THEMIS: variants seen among roughly 807,000 people sequenced by gnomAD.
The protein encoded by THEMIS is protein THEMIS.
In THEMIS, 37 loss-of-function variants were observed where a neutral mutation model predicts 52.6. The observed-to-expected ratio is 0.70, with a 90% CI of 0.54 to 0.93. THEMIS has a LOEUF of 0.93. Ranked by LOEUF, THEMIS falls within the 40% of genes least tolerant of loss-of-function variation. The probability of loss-of-function intolerance (pLI) is 0.00; values close to 1 mark genes in which losing one functional copy is unlikely to be tolerated. For synonymous variants in THEMIS, 292 were observed against 272.7 expected (o/e 1.07, Z -0.70); for missense variants, 808 against 763.1 (o/e 1.06, Z -0.69).
chr6:127,815,724 G>T (rs2114615327), intron 3 of THEMIS, among the ~76,000 whole-genome samples: 1 of 152,208 alleles, frequency 6.6e-6, no homozygotes, highest in Non-Finnish European at 1.5e-5. Context: ...TAAAATTCTG[G>T]TTGTTTGAAT....
chr6:127,824,589 A>T (rs753373484), intron 3 of THEMIS, among the ~76,000 whole-genome samples: 3 of 149,546 alleles, frequency 2.0e-5, no homozygotes, highest in Non-Finnish European at 3.0e-5. Flanking sequence ...GAAATGATAC[A>T]CCAAAACTTA....
chr6:127,746,661 T>C (rs1297011617), intron 4 of THEMIS, among the ~76,000 whole-genome samples: 1 of 134,326 alleles, frequency 7.4e-6, no homozygotes, highest in Non-Finnish European at 1.5e-5. Context: ...ATTGATTATA[T>C]ATTCAATATA....
At chr6:127,743,673 T>C (rs1327442621) in intron 4 of THEMIS, among the ~76,000 whole-genome samples, 1 of 152,170 alleles carries the variant, frequency 6.6e-6, no homozygotes, top group Non-Finnish European at 1.5e-5. Context: ...CCCAGGCTGC[T>C]TCACATATGT....
rs1774276760 is a variant in THEMIS, at chr6:127,719,193, C to T, written c.1894+495G>A. Reference sequence around the variant, plus strand: ...TCTGGGTAGCTTAATTGAATGCTATCAACTCCTCCACAAGTCCGTTTGCTT... The same window carrying T: ...TCTGGGTAGCTTAATTGAATGCTATTAACTCCTCCACAAGTCCGTTTGCTT... On this transcript the variant is annotated intron_variant, in intron 5 of 5. Coordinates refer to ENST00000368248, the MANE Select transcript of THEMIS (RefSeq NM_001010923.3). Among the ~76,000 whole-genome samples the T allele has an allele frequency of 3.3e-5, 5 of 151,814 alleles. No individual in the cohort carries two copies. In the South Asian group the frequency reaches 1.0e-3, roughly 31 times the overall value.
chr6:127,842,903 T>G (rs373162000), intron 2 of THEMIS, among the ~76,000 whole-genome samples: 17 of 152,056 alleles, frequency 1.1e-4, no homozygotes, highest in African/African-American at 3.6e-4. Context: ...CTGCCTGCTG[T>G]GCAACTCGGG....
At chr6:127,864,654 C>G (rs1779916142) in intron 1 of THEMIS, among the ~76,000 whole-genome samples, 1 of 152,122 alleles carries the variant, frequency 6.6e-6, no homozygotes, top group Non-Finnish European at 1.5e-5. Context: ...TGACAAATGA[C>G]CATCCTAACA....
intron 1 of THEMIS, among the ~76,000 whole-genome samples, chr6:127,856,560 A>G (rs928645161): frequency 7.9e-5 from 12 of 151,970 alleles, no homozygotes. Flanking sequence ...CAGAGTGGGT[A>G]TGAAAATCCA....
chr6:127,788,039 CA>C (rs34292798), intron 4 of THEMIS, among the ~76,000 whole-genome samples: 71,562 of 151,842 alleles, frequency 0.47, 17,785 homozygotes, highest in Non-Finnish European at 0.53. Context: ...CCTGCACAGA[CA>C]AGAGTTGAGT....
intron 1 of THEMIS, among the ~76,000 whole-genome samples, chr6:127,875,592 C>G (rs1287208944): frequency 6.6e-6 from 1 of 152,186 alleles, no homozygotes; most frequent in Non-Finnish European, 1.5e-5. Context: ...AGCTAATAGC[C>G]ACGTGAGGCT....
intron 4 of THEMIS, among the ~76,000 whole-genome samples, chr6:127,746,008 G>A (rs565425017): frequency 6.6e-6 from 1 of 151,930 alleles, no homozygotes; most frequent in East Asian, 1.9e-4. Flanking sequence ...ACTAGAATAA[G>A]CTTTAGAGCA....
At chr6:127,766,534 C>T (rs1016450789) in intron 4 of THEMIS, among the ~76,000 whole-genome samples, 1 of 152,076 alleles carries the variant, frequency 6.6e-6, no homozygotes, top group African/African-American at 2.4e-5. Context: ...AGAAATGCAT[C>T]GTTAGTCAAT....
chr6:127,872,699 C>T (rs12524668), intron 1 of THEMIS, among the ~76,000 whole-genome samples: 2,434 of 152,178 alleles, frequency 0.016, 35 homozygotes, highest in Admixed American at 0.038. Context: ...GTGGTCAAAA[C>T]CTGAATGTTT....
chr6:127,790,063 G>T (rs567452033), intron 4 of THEMIS, among the ~76,000 whole-genome samples: 1 of 152,330 alleles, frequency 6.6e-6, no homozygotes, highest in Non-Finnish European at 1.5e-5. Context: ...AGCGTACTCA[G>T]ACAGGAAGAG....
At chr6:127,803,322 T>C (rs966542219) in intron 4 of THEMIS, among the ~76,000 whole-genome samples, 3 of 152,150 alleles carry the variant, frequency 2.0e-5, no homozygotes, top group African/African-American at 7.2e-5. Context: ...CACCCGAAAA[T>C]GTTCCTCTTG....
chr6:127,878,047 C>T (rs1780367606), intron 1 of THEMIS, among the ~76,000 whole-genome samples: 1 of 152,174 alleles, frequency 6.6e-6, no homozygotes, highest in Admixed American at 6.5e-5. Context: ...GCTCTTAAAA[C>T]AACTACCGCA....
At chr6:127,758,995 G>A (rs1374551844) in intron 4 of THEMIS, among the ~76,000 whole-genome samples, 1 of 151,970 alleles carries the variant, frequency 6.6e-6, no homozygotes, top group Non-Finnish European at 1.5e-5. Flanking sequence ...CAAGAAGTCT[G>A]GAAAGAATTA....
At chr6:127,778,208 A>G (rs1776627834) in intron 4 of THEMIS, among the ~76,000 whole-genome samples, 1 of 152,162 alleles carries the variant, frequency 6.6e-6, no homozygotes, top group Non-Finnish European at 1.5e-5. Context: ...AGTCAGTACT[A>G]TCTAACAAAC....
intron 4 of THEMIS, among the ~76,000 whole-genome samples, chr6:127,729,387 C>T (rs992314411): frequency 6.6e-6 from 1 of 152,150 alleles, no homozygotes; most frequent in Non-Finnish European, 1.5e-5. Flanking sequence ...ATATTTCAAG[C>T]CTTTTTCTCT....
chr6:127,800,686 C>T (rs533514346), intron 4 of THEMIS, among the ~76,000 whole-genome samples: 23 of 152,256 alleles, frequency 1.5e-4, no homozygotes, highest in South Asian at 1.5e-3. Flanking sequence ...ACAATCAAAT[C>T]AGCTTAGAGT....
Sources: allele counts gnomAD v4.1 joint callset (sites outside exome capture counted in the v4.1 genomes callset), GRCh38; gene constraint gnomAD v4.1.1; transcripts MANE v1.5; gene names NCBI Gene and HGNC (gene_info 2026-07-23, HGNC 2026-07-21).